Variants in SLIT3 observed in about 807,000 individuals in gnomAD.
SLIT3 encodes the protein slit homolog 3 protein.
SLIT3 carries 68 observed loss-of-function variants against 184.0 expected under a neutral mutation model. The ratio of observed to expected loss-of-function variants is 0.37; its 90% CI spans 0.30 to 0.45. The LOEUF is 0.45. Among genes scored for constraint, SLIT3 ranks in the 20% least tolerant of loss-of-function variants. The pLI is 1.00. For synonymous variants in SLIT3, 831 were observed against 828.6 expected, an observed-to-expected ratio of 1.00 and a Z score of -0.05; for missense variants, 1,707 against 2,026.0, an observed-to-expected ratio of 0.84 and a Z score of 3.02.
At position 168,746,961 on chromosome 5, in the gene SLIT3, GGTGGTGT is replaced by G. The variant is rs1431115194; in HGVS notation, c.2270+1334_2270+1340del. On this transcript the variant is annotated intron_variant, in intron 20 of 35. Coordinates refer to ENST00000519560, the MANE Select transcript of SLIT3 (RefSeq NM_003062.4). ...TGTGTGAGTGTGGTGGTGTGGGTGT[GGTGGTGT>G]GTGGTGTGTGGTGGTGTGGATGTGT... 9.1e-5 allele frequency among the ~76,000 whole-genome samples: 13 copies of G among 143,388 alleles called. No individual in the cohort carries two copies. In the East Asian group the frequency reaches 2.0e-3, roughly 22 times the overall value. The allele number at this position is 143,388 out of a possible 152,430, so 94.1% of individuals were successfully genotyped here. A position where few individuals can be genotyped will look rare whatever the true frequency, so the allele number is the denominator to read the frequency against.
chr5:169,006,974 C>T (rs115348136), intron 4 of SLIT3, among the ~76,000 whole-genome samples: 5,532 of 152,176 alleles, frequency 0.036, 125 homozygotes, highest in Middle Eastern at 0.065. Context: ...GGTTAGGATC[C>T]GTGTCCCCAC....
intron 4 of SLIT3, among the ~76,000 whole-genome samples, chr5:169,055,615 G>A (rs1331380380): frequency 6.6e-6 from 1 of 152,212 alleles, no homozygotes; most frequent in Non-Finnish European, 1.5e-5. Flanking sequence ...GCCAAGGCGG[G>A]TGGATCATAG....
intron 10 of SLIT3, chr5:168,791,206 G>T (rs961080049): frequency 2.6e-5 from 4 of 152,282 alleles, no homozygotes; most frequent in African/African-American, 9.6e-5. Flanking sequence ...GGCCTGTGTT[G>T]TCTTTTTTTC....
At chr5:169,137,966 T>C (rs962103819) in intron 4 of SLIT3, among the ~76,000 whole-genome samples, 4 of 152,004 alleles carry the variant, frequency 2.6e-5, no homozygotes, top group African/African-American at 9.7e-5. Context: ...GAGTGGGACA[T>C]GTGATTTAAC....
At chr5:169,168,690 A>T (rs1561711215) in intron 4 of SLIT3, among the ~76,000 whole-genome samples, 5 of 152,200 alleles carry the variant, frequency 3.3e-5, no homozygotes, top group Non-Finnish European at 7.3e-5. Flanking sequence ...CGAGATTCAG[A>T]CCCAGATCTG....
intron 4 of SLIT3, among the ~76,000 whole-genome samples, chr5:169,157,250 C>A (rs915055295): frequency 1.3e-5 from 2 of 152,202 alleles, no homozygotes; most frequent in African/African-American, 4.8e-5. Context: ...GTACCCCTCC[C>A]CTGTGACATA....
At chr5:168,728,054 A>G (rs1277404211) in intron 20 of SLIT3, among the ~76,000 whole-genome samples, 1 of 152,072 alleles carries the variant, frequency 6.6e-6, no homozygotes, top group African/African-American at 2.4e-5. Flanking sequence ...CCCACCTTCT[A>G]TGCTGCTCAT....
chr5:168,718,730 ATTCT>A (rs1581000417), intron 23 of SLIT3, among the ~76,000 whole-genome samples: 37 of 108,970 alleles, frequency 3.4e-4, no homozygotes, highest in East Asian at 2.0e-3. Context: ...ACACACACAC[ATTCT>A]CTCTCTCTCT....
chr5:168,878,513 T>C (rs978380068), intron 5 of SLIT3, among the ~76,000 whole-genome samples: 1 of 152,176 alleles, frequency 6.6e-6, no homozygotes, highest in African/African-American at 2.4e-5. Flanking sequence ...TTGTTCCTGT[T>C]TGCAGGCATG....
chr5:168,953,601 G>C (rs143486355), intron 4 of SLIT3, among the ~76,000 whole-genome samples: 2 of 152,198 alleles, frequency 1.3e-5, no homozygotes, highest in African/African-American at 4.8e-5. Context: ...AAGATAATTG[G>C]TGCAAAGCAC....
intron 4 of SLIT3, among the ~76,000 whole-genome samples, chr5:169,064,934 C>T (rs1420127763): frequency 1.3e-5 from 2 of 152,174 alleles, no homozygotes; most frequent in Non-Finnish European, 2.9e-5. Context: ...GAAACTAGAA[C>T]CCAGCCTAAT....
At chr5:168,764,160 G>C (rs982541910) in intron 14 of SLIT3, among the ~76,000 whole-genome samples, 3 of 152,196 alleles carry the variant, frequency 2.0e-5, no homozygotes, top group Non-Finnish European at 4.4e-5. Context: ...TGGTATGCAT[G>C]CTTGTGACTC....
intron 4 of SLIT3, among the ~76,000 whole-genome samples, chr5:169,050,354 A>G (rs1334353946): frequency 6.6e-6 from 1 of 152,194 alleles, no homozygotes; most frequent in Non-Finnish European, 1.5e-5. Context: ...GTCCAAAACA[A>G]AATCTCATCT....
At chr5:168,767,094 T>C (rs564580012) in intron 14 of SLIT3, among the ~76,000 whole-genome samples, 1 of 152,314 alleles carries the variant, frequency 6.6e-6, no homozygotes, top group South Asian at 2.1e-4. Flanking sequence ...TTAGATTTTG[T>C]GAACATTAAA....
At chr5:168,865,587 A>C (rs894079338) in intron 5 of SLIT3, among the ~76,000 whole-genome samples, 7 of 152,208 alleles carry the variant, frequency 4.6e-5, no homozygotes, top group Non-Finnish European at 1.0e-4. Flanking sequence ...TGCATGGGAG[A>C]GAGGACTGGC....
rs1165890886 is a variant in SLIT3 at position 168,722,926 on chromosome 5, T to C, written c.2411+7A>G. The C allele has an allele frequency of 6.2e-7, 1 of 1,605,176 alleles. No individual in the cohort carries two copies. ...GCATGGTAAACACAGCATCTCAGTG[T>C]ACTCACAGAGTGGAGAGGTGAGACA... On this transcript the variant is annotated splice_region_variant and intron_variant, in intron 22 of 35. Transcript: ENST00000519560.
At chr5:169,013,400 C>A (rs928041443) in intron 4 of SLIT3, 2 of 152,302 alleles carry the variant, frequency 1.3e-5, no homozygotes, top group Middle Eastern at 3.4e-3. Flanking sequence ...CACGTCAGGG[C>A]CCCCAGGATG....
chr5:169,131,270 GT>G (rs1482844501), intron 4 of SLIT3, among the ~76,000 whole-genome samples: 3 of 152,212 alleles, frequency 2.0e-5, no homozygotes, highest in African/African-American at 4.8e-5. Context: ...CTTGGAATAG[GT>G]TAGCACAGTG....
chr5:168,830,965 G>A (rs1176855114), intron 6 of SLIT3, among the ~76,000 whole-genome samples: 3 of 152,168 alleles, frequency 2.0e-5, no homozygotes, highest in Non-Finnish European at 4.4e-5. Context: ...CCTCACTGCT[G>A]AGGCTGCTCC....
Sources: gnomAD v4.1 joint callset for allele counts (sites outside exome capture counted in the v4.1 genomes callset) on GRCh38, gnomAD v4.1.1 for gene constraint, MANE v1.5 for transcripts, NCBI Gene and HGNC (gene_info 2026-07-23, HGNC 2026-07-21) for gene names.